The following NHSL2 variants were observed in gnomAD, a reference collection of about 807,000 sequenced individuals.
NHSL2 encodes NHS like 2.
A neutral mutation model predicts 53.4 loss-of-function variants in NHSL2; 27 were observed. The observed-to-expected ratio is 0.51, with a 90% confidence interval of 0.37 to 0.70. The LOEUF is 0.70. Among genes scored for constraint, NHSL2 ranks in the 30% least tolerant of loss-of-function variants. The pLI, the probability that NHSL2 is intolerant of heterozygous loss-of-function variation, is 0.00. For missense variants in NHSL2, 892 were observed against 980.1 expected, an observed-to-expected ratio of 0.91 and a Z score of 1.20; for synonymous variants, 408 against 404.1, an observed-to-expected ratio of 1.01 and a Z score of -0.12.
intron 1 of NHSL2, chrX:72,131,248 C>T (rs750540388): frequency 1.2e-5 from 15 of 1,200,855 alleles, no homozygotes; most frequent in Non-Finnish European, 1.2e-5. Flanking sequence ...ATCCGAGATA[C>T]AGTCGGGCTC....
rs374564645 is a variant in NHSL2, at chrX:72,139,135, G to A, written c.1587G>A (p.Thr529=). ...NEACALPFAS[T]SSEGSNSADN... ...CCTGTGCCCTGCCTTTTGCCAGTAC[G>A]AGCTCTGAGGGCAGTAACAGTGCTG... Residue 529 remains threonine (T), a synonymous_variant, in exon 6 of 8, where the codon ACG becomes ACA. Coordinates refer to ENST00000633930, the MANE Select transcript of NHSL2 (RefSeq NM_001013627.3). 3.4e-6 allele frequency: 4 copies of A among 1,172,281 alleles called. No homozygotes were observed. Among genetic ancestry groups the A allele is most frequent in the Non-Finnish European group, 4.6e-6 (4 of 875,106 alleles).
At chrX:72,006,418 C>T (rs1213740754) in intron 1 of NHSL2, among the ~76,000 whole-genome samples, 1 of 112,149 alleles carries the variant, frequency 8.9e-6, no homozygotes, top group Non-Finnish European at 1.9e-5. Context: ...CACTGCCTTC[C>T]TCTCCTCCAT....
At chrX:72,003,263 C>T (rs1043907814) in intron 1 of NHSL2, among the ~76,000 whole-genome samples, 2 of 111,025 alleles carry the variant, frequency 1.8e-5, no homozygotes, top group Non-Finnish European at 3.8e-5. Flanking sequence ...TTGAGGGCAA[C>T]GAGGATTTAT....
chrX:71,915,025 T>G (rs940292516), intron 1 of NHSL2, among the ~76,000 whole-genome samples: 2 of 111,022 alleles, frequency 1.8e-5, no homozygotes, highest in African/African-American at 6.6e-5. Flanking sequence ...CACCCCACCC[T>G]GCTTTCCATT....
At chrX:72,008,775 T>C (rs1027575042) in intron 1 of NHSL2, among the ~76,000 whole-genome samples, 4 of 112,152 alleles carry the variant, frequency 3.6e-5, no homozygotes. Flanking sequence ...ACCTTCAAAA[T>C]CGATTCAGAA....
chrX:72,142,593 C>T (rs1222793576), intron 7 of NHSL2, among the ~76,000 whole-genome samples: 1 of 111,225 alleles, frequency 9.0e-6, no homozygotes, highest in Non-Finnish European at 1.9e-5. Flanking sequence ...TCACTGACAT[C>T]GTTGGGTAAA....
chrX:72,042,770 G>T (rs1220531643), intron 1 of NHSL2, among the ~76,000 whole-genome samples: 5 of 100,699 alleles, frequency 5.0e-5, no homozygotes, highest in Non-Finnish European at 1.0e-4. Context: ...AAAAAAAAAA[G>T]GAGCTGCAAG....
intron 1 of NHSL2, among the ~76,000 whole-genome samples, chrX:72,113,306 GGAGGGGTGCCACCTGCCGT>G (rs1395743922): frequency 9.0e-6 from 1 of 111,363 alleles, no homozygotes; most frequent in Non-Finnish European, 1.9e-5. Flanking sequence ...GCTGGCAAGA[GGAGGGGTGCCACCTGCCGT>G]GAGGGGTGCT....
chrX:72,137,475 T>C (rs921984128), intron 5 of NHSL2, among the ~76,000 whole-genome samples: 1 of 112,596 alleles, frequency 8.9e-6, no homozygotes, highest in African/African-American at 3.2e-5. Context: ...CCATTATAAA[T>C]GTAATACAAC....
At chrX:71,993,889 C>T (rs1312074502) in intron 1 of NHSL2, among the ~76,000 whole-genome samples, 1 of 111,458 alleles carries the variant, frequency 9.0e-6, no homozygotes, top group Non-Finnish European at 1.9e-5. Flanking sequence ...AAATATATGG[C>T]CAAACCAAAA....
At chrX:71,947,444 T>G (rs2041797894) in intron 1 of NHSL2, among the ~76,000 whole-genome samples, 1 of 112,636 alleles carries the variant, frequency 8.9e-6, no homozygotes, top group Non-Finnish European at 1.9e-5. Context: ...GCAGCACTTT[T>G]CATGTGCTAT....
intron 1 of NHSL2, among the ~76,000 whole-genome samples, chrX:72,077,079 T>A (rs1489102094): frequency 9.0e-6 from 1 of 110,671 alleles, no homozygotes; most frequent in Non-Finnish European, 1.9e-5. Context: ...CCCTTTAAGC[T>A]TGTCTCAGAG....
intron 1 of NHSL2, among the ~76,000 whole-genome samples, chrX:72,015,875 T>G (rs1438761429): frequency 3.6e-5 from 4 of 112,601 alleles, no homozygotes; most frequent in Non-Finnish European, 1.9e-5. Flanking sequence ...CTATATATTT[T>G]TATTGTTCTT....
intron 1 of NHSL2, among the ~76,000 whole-genome samples, chrX:72,073,530 G>C (rs1263621486): frequency 1.8e-5 from 2 of 112,195 alleles, no homozygotes; most frequent in African/African-American, 3.2e-5. Context: ...GTTTGAACTA[G>C]CATCCCATAG....
intron 1 of NHSL2, among the ~76,000 whole-genome samples, chrX:72,003,978 G>T (rs1291781124): frequency 2.7e-5 from 3 of 111,817 alleles, no homozygotes; most frequent in African/African-American, 9.8e-5. Flanking sequence ...GGAAACTGAG[G>T]TTTAGGAGGC....
chrX:72,058,513 T>C (rs909183699), intron 1 of NHSL2, among the ~76,000 whole-genome samples: 2 of 111,239 alleles, frequency 1.8e-5, no homozygotes, highest in Admixed American at 1.9e-4. Flanking sequence ...CCCAGCTAAT[T>C]TTTGTATTTT....
chrX:72,057,042 G>T (rs940372114), intron 1 of NHSL2, among the ~76,000 whole-genome samples: 1 of 112,415 alleles, frequency 8.9e-6, no homozygotes, highest in Non-Finnish European at 1.9e-5. Flanking sequence ...GCTGGAGCAC[G>T]TTGGGTAGAT....
rs755935647 is a variant in NHSL2 at position 72,130,447 on chromosome X, C to A, written c.281-1632C>A. 5.0e-6 allele frequency: 6 copies of A among 1,208,179 alleles called. No homozygotes were observed. In the Admixed American group the frequency reaches 1.1e-4, roughly 22 times the overall value. ...CATCTCTTGCTGAAAAGCCCTCATGCGCTTCCTCTGGTCCTTGGAGTGAAG... is the reference window on the plus strand; with the variant it reads ...CATCTCTTGCTGAAAAGCCCTCATGAGCTTCCTCTGGTCCTTGGAGTGAAG... On this transcript the variant is annotated intron_variant, in intron 1 of 7. Coordinates refer to ENST00000633930, the MANE Select transcript of NHSL2 (RefSeq NM_001013627.3).
In NHSL2 at chrX:71,933,117, G is replaced by A. The variant is rs141641965; in HGVS notation, c.280+21750G>A. 3.3e-3 allele frequency among the ~76,000 whole-genome samples: 366 copies of A among 112,124 alleles called. 1 individual carries two copies. Among genetic ancestry groups the A allele is most frequent in the African/African-American group, 0.011 (344 of 30,876 alleles). On this transcript the variant is annotated intron_variant, in intron 1 of 7. Transcript: ENST00000633930. ...CCTTTTTACAGAATTCATCTCTACA[G>A]CATTGCTACCAAGCCCCTCCAGGAG...
Sources: allele counts gnomAD v4.1 joint callset (sites outside exome capture counted in the v4.1 genomes callset), GRCh38; gene constraint gnomAD v4.1.1; transcripts MANE v1.5; gene names NCBI Gene and HGNC (gene_info 2026-07-23, HGNC 2026-07-21).